WAC: variants seen among roughly 807,000 people sequenced by gnomAD.
WAC encodes WW domain containing adaptor with coiled-coil, also known as WW domain-containing adapter protein with coiled-coil.
WAC carries 11 observed loss-of-function variants against 79.6 expected under a neutral mutation model. The ratio of observed to expected loss-of-function variants is 0.14; its 90% CI spans 0.09 to 0.23. WAC has a LOEUF of 0.23. Ranked by LOEUF, WAC falls within the 10% of genes least tolerant of loss-of-function variation. The pLI, the probability that WAC is intolerant of heterozygous loss-of-function variation, is 1.00. For missense variants in WAC, 728 were observed against 773.5 expected (o/e 0.94, Z 0.70); for synonymous variants, 304 against 276.9 (o/e 1.10, Z -0.97).
rs142998930 is a variant in WAC at position 28,616,283 on chromosome 10, C to T, written c.1667C>T (p.Thr556Met). ...NSSARSTCSL[T>M]PALAAHFSEN... ...TCTGCCCGATCCACGTGTTCATTAA[C>T]GCCTGCACTAGCAGCACACTTCAGT... Residue 556 changes from threonine to methionine, a missense_variant, in exon 12 of 14, where the codon ACG becomes ATG. Around this residue, in one of 3 missense-constraint regions of WAC, gnomAD observed 14 missense variants for 33.1 expected, o/e 0.42. Coordinates refer to ENST00000354911, the MANE Select transcript of WAC (RefSeq NM_016628.5). The T allele has an allele frequency of 1.5e-5, 25 of 1,613,950 alleles. No individual in the cohort carries two copies. The highest frequency in any genetic ancestry group is 5.3e-5 in the African/African-American group (4 of 74,930).
intron 7 of WAC, among the ~76,000 whole-genome samples, chr10:28,600,097 CTATT>C (rs1840566152): frequency 6.6e-6 from 1 of 152,112 alleles, no homozygotes; most frequent in African/African-American, 2.4e-5. Flanking sequence ...AGTAAGTTCT[CTATT>C]TAGTGATTTA....
At chr10:28,544,437 C>T (rs1326857865) in intron 3 of WAC, among the ~76,000 whole-genome samples, 1 of 152,170 alleles carries the variant, frequency 6.6e-6, no homozygotes, top group Non-Finnish European at 1.5e-5. Context: ...TACTTAATTT[C>T]TGAGTGTTTG....
intron 3 of WAC, among the ~76,000 whole-genome samples, chr10:28,566,484 TGTCA>T (rs750192122): frequency 4.6e-5 from 7 of 152,242 alleles, no homozygotes; most frequent in Non-Finnish European, 1.0e-4. Flanking sequence ...TGGTGTACAC[TGTCA>T]GTCCTCAAAG....
chr10:28,560,653 T>TA (rs761779382), intron 3 of WAC, among the ~76,000 whole-genome samples: 11 of 152,162 alleles, frequency 7.2e-5, no homozygotes, highest in Non-Finnish European at 1.0e-4. Context: ...CCCAGACTCT[T>TA]AAAGAAATTG....
rs1836461443 is a variant in WAC at position 28,533,989 on chromosome 10, G to C, written c.42-9G>C. 6.2e-7 allele frequency: 1 copy of C among 1,605,794 alleles called. No individual in the cohort carries two copies. The highest frequency in any genetic ancestry group is 1.4e-5 in the African/African-American group (1 of 73,428). On this transcript the variant is annotated splice_polypyrimidine_tract_variant and intron_variant, in intron 1 of 13. Coordinates refer to ENST00000354911, the MANE Select transcript of WAC (RefSeq NM_016628.5). Reference sequence around the variant, plus strand: ...TCTTATGTCGCTGCCTTCTCTTCCTGTTTTTCAGCTGTCACGACCGGAGGG... The same window carrying C: ...TCTTATGTCGCTGCCTTCTCTTCCTCTTTTTCAGCTGTCACGACCGGAGGG...
At chr10:28,585,396 C>G (rs1338346077) in intron 4 of WAC, among the ~76,000 whole-genome samples, 1 of 152,092 alleles carries the variant, frequency 6.6e-6, no homozygotes, top group Non-Finnish European at 1.5e-5. Context: ...AGCCATCTGG[C>G]TAAATAGAGA....
Position 28,605,867 on chromosome 10 carries a change from G to GAT in WAC, c.920-2316_920-2315dup, listed in dbSNP as rs373800811. On this transcript the variant is annotated intron_variant, in intron 7 of 13. Transcript: ENST00000354911. The stretch of plus-strand genomic sequence containing the variant: ...CAAAGAATGAGGATAATTTCAGGGG[G>GAT]ATATTAATACTAGTTTAATTCATGC... 6.8e-4 allele frequency among the ~76,000 whole-genome samples: 104 copies of GAT among 152,160 alleles called. 1 individual carries two copies. The highest frequency in any genetic ancestry group is 2.2e-3 in the African/African-American group (93 of 41,512).
At chr10:28,535,343 TG>T in intron 2 of WAC, 2 of 364,698 alleles carry the variant, frequency 5.5e-6, no homozygotes, top group Admixed American at 4.7e-5. Flanking sequence ...GGGTTTTTTT[TG>T]TGTTTAGTGT....
At chr10:28,602,036 T>C (rs1209202147) in intron 7 of WAC, among the ~76,000 whole-genome samples, 1 of 152,196 alleles carries the variant, frequency 6.6e-6, no homozygotes, top group Non-Finnish European at 1.5e-5. Flanking sequence ...AAATAGTAAG[T>C]TTGATGCTGC....
chr10:28,605,185 T>C (rs1274018503), intron 7 of WAC, among the ~76,000 whole-genome samples: 1 of 152,222 alleles, frequency 6.6e-6, no homozygotes, highest in Non-Finnish European at 1.5e-5. Context: ...TTCTCCACAT[T>C]GTGCTATATT....
intron 3 of WAC, among the ~76,000 whole-genome samples, chr10:28,547,215 G>A (rs144075999): frequency 6.6e-6 from 1 of 151,788 alleles, no homozygotes; most frequent in African/African-American, 2.4e-5. Flanking sequence ...TTTTTGCTTT[G>A]TGTGTTACAT....
chr10:28,571,502 T>C (rs1838961494), intron 3 of WAC, among the ~76,000 whole-genome samples: 1 of 152,228 alleles, frequency 6.6e-6, no homozygotes, highest in Non-Finnish European at 1.5e-5. Context: ...TTTCCTACTT[T>C]TATGCTGTTG....
At chr10:28,562,707 C>A (rs1009322811) in intron 3 of WAC, among the ~76,000 whole-genome samples, 1 of 152,164 alleles carries the variant, frequency 6.6e-6, no homozygotes, top group Non-Finnish European at 1.5e-5. Context: ...AAACTAATTA[C>A]ATTATGGCTA....
intron 12 of WAC, 55 bp downstream of exon 12, chr10:28,616,417 A>C: frequency 7.3e-7 from 1 of 1,361,542 alleles, no homozygotes. Context: ...AACAGAATTT[A>C]ATCAACTTCT....
intron 4 of WAC, among the ~76,000 whole-genome samples, chr10:28,587,390 T>C (rs921280430): frequency 6.6e-6 from 1 of 152,224 alleles, no homozygotes; most frequent in African/African-American, 2.4e-5. Context: ...TAAACTTCAC[T>C]GTATGCTTGT....
intron 3 of WAC, among the ~76,000 whole-genome samples, chr10:28,575,917 CTTTTCTATGTTTAGATA>C (rs373585808): frequency 3.3e-5 from 5 of 152,066 alleles, no homozygotes; most frequent in African/African-American, 1.2e-4. Context: ...TTTACTGTAC[CTTTTCTATGTTTAGATA>C]TGCTTAGATA....
At chr10:28,550,697 TTAC>T (rs1406309579) in intron 3 of WAC, among the ~76,000 whole-genome samples, 1 of 152,176 alleles carries the variant, frequency 6.6e-6, no homozygotes, top group Non-Finnish European at 1.5e-5. Flanking sequence ...TCATAAGAAT[TTAC>T]TACTACAGAG....
At position 28,621,366 on chromosome 10, in the gene WAC, C is replaced by G. The variant is rs544407383; in HGVS notation, c.*1760C>G. On this transcript the variant is annotated 3_prime_UTR_variant, in exon 14 of 14. Coordinates refer to ENST00000354911, the MANE Select transcript of WAC (RefSeq NM_016628.5). ...TTTGAAATTGCTCTTGTGCTTTAAG[C>G]ATATATTGAAAGTATGGAAGTTAAA... The G allele has an allele frequency of 6.6e-6, 1 of 152,066 alleles. No individual in the cohort carries two copies. Among genetic ancestry groups the G allele is most frequent in the Admixed American group, 6.5e-5 (1 of 15,286 alleles). The allele number at this position is 152,066 out of a possible 1,614,324, so 9.4% of individuals were successfully genotyped here.
At chr10:28,596,096 T>TAGA in intron 7 of WAC, 55 bp downstream of exon 7, 2 of 1,510,014 alleles carry the variant, frequency 1.3e-6, no homozygotes, top group South Asian at 2.6e-5. Flanking sequence ...AAGTTTCTTC[T>TAGA]AAGTTTCTTA....
Sources: allele counts gnomAD v4.1 joint callset (sites outside exome capture counted in the v4.1 genomes callset), GRCh38; gene constraint gnomAD v4.1.1; regional missense constraint gnomAD v4.1.1; transcripts MANE v1.5; gene names NCBI Gene and HGNC (gene_info 2026-07-23, HGNC 2026-07-21).